CHGB: variants seen among roughly 807,000 people sequenced by gnomAD.
The protein encoded by CHGB is secretogranin-1.
In CHGB, 46 loss-of-function variants were observed where a neutral mutation model predicts 69.9. That is an observed-to-expected ratio of 0.66 (90% CI 0.52 to 0.84). CHGB has a LOEUF of 0.84. Ranked by LOEUF, CHGB falls within the 40% of genes least tolerant of loss-of-function variation. The pLI, the probability that CHGB is intolerant of heterozygous loss-of-function variation, is 0.00. For missense variants in CHGB, 796 were observed against 822.2 expected (o/e 0.97, Z 0.39); for synonymous variants, 312 against 298.2 (o/e 1.05, Z -0.48).
At position 5,922,357 on chromosome 20, in the gene CHGB, A is replaced by G; in HGVS notation, c.213A>G (p.Lys71=). The part of the protein sequence containing the change: ...LKTSRKDVKD[K]ETTENENTKF... ...TAGGTAGAAAAGACGTCAAAGACAA[A>G]GAGACAACTGAAAATGAAAACACAA... Residue 71 remains lysine, a synonymous_variant, in exon 4 of 5, where the codon AAA becomes AAG. Transcript: ENST00000378961. 6.4e-7 allele frequency: 1 copy of G among 1,558,126 alleles called. No homozygotes were observed. Among genetic ancestry groups the G allele is most frequent in the African/African-American group, 1.4e-5 (1 of 72,638 alleles).
chr20:5,917,096 T>A, intron 3 of CHGB, 177 bp downstream of exon 3: 2 of 638,020 alleles, frequency 3.1e-6, no homozygotes, highest in Admixed American at 4.9e-5. Context: ...AGTTCCTGCT[T>A]TACCACTTCG....
At position 5,923,358 on chromosome 20, in the gene CHGB, G is replaced by T. The variant is rs746929287; in HGVS notation, c.1214G>T (p.Ser405Ile). The T allele has an allele frequency of 6.2e-7, 1 of 1,613,774 alleles. No individual in the cohort carries two copies. Among genetic ancestry groups the T allele is most frequent in the Non-Finnish European group, 8.5e-7 (1 of 1,180,028 alleles). Reference sequence around the variant, plus strand: ...ATGGCACATGGATATGGTGAAGAAAGTGAGGAAGAGAGGGGCCTTGAGCCG... The same window carrying T: ...ATGGCACATGGATATGGTGAAGAAATTGAGGAAGAGAGGGGCCTTGAGCCG... Reference protein sequence around the residue: ...DKMAHGYGEESEEERGLEPGK... With the variant: ...DKMAHGYGEEIEEERGLEPGK... Residue 405 changes from serine (S) to isoleucine (I), a missense_variant, in exon 4 of 5, where the codon AGT becomes ATT. Ser to Ile is a moderately radical substitution (Grantham distance 142). Around this residue, in one of 3 missense-constraint regions of CHGB, gnomAD observed 518 missense variants for 506.3 expected, o/e 1.02. Coordinates refer to ENST00000378961, the MANE Select transcript of CHGB (RefSeq NM_001819.3).
chr20:5,923,135 C>T lies in CHGB; in HGVS notation c.991C>T (p.His331Tyr), dbSNP rs368161388. 4.6e-5 allele frequency: 75 copies of T among 1,614,138 alleles called. No homozygotes were observed. In the African/African-American group the frequency reaches 9.5e-4, roughly 20 times the overall value. ...LGEKRDHHST[H>Y]YRASEEEPEY... ...GGAAAAGAGGGACCACCATTCAACCCACTACAGGGCTTCAGAGGAAGAACC... is the reference window on the plus strand; with the variant it reads ...GGAAAAGAGGGACCACCATTCAACCTACTACAGGGCTTCAGAGGAAGAACC... Residue 331 changes from histidine (H) to tyrosine (Y), a missense_variant, in exon 4 of 5, where the codon CAC becomes TAC. Transcript: ENST00000378961.
Position 5,911,547 on chromosome 20 carries a change from G to T in CHGB, c.-87G>T, listed in dbSNP as rs2088446211. 5 of 1,398,618 alleles carry T rather than the reference G, an allele frequency of 3.6e-6. No individual in the cohort carries two copies. Among genetic ancestry groups the T allele is most frequent in the Non-Finnish European group, 4.8e-6 (5 of 1,036,132 alleles). The allele number at this position is 1,398,618 out of a possible 1,614,324, so 86.6% of individuals were successfully genotyped here. A position where few individuals can be genotyped will look rare whatever the true frequency, so the allele number is the denominator to read the frequency against. On this transcript the variant is annotated 5_prime_UTR_variant, in exon 1 of 5. Coordinates refer to ENST00000378961, the MANE Select transcript of CHGB (RefSeq NM_001819.3). The stretch of plus-strand genomic sequence containing the variant: ...CCAGGAGGCACGCTGGTTTTCCGGG[G>T]CCGCTCCATCGCGCCTTCCTCCTGC...
rs186133594 is a variant in CHGB at position 5,920,024 on chromosome 20, C to T, written c.191-2311C>T. Among the ~76,000 whole-genome samples the T allele has an allele frequency of 3.4e-3, 248 of 72,150 alleles. 1 individual carries two copies. The highest frequency in any genetic ancestry group is 0.011 in the African/African-American group (243 of 22,790). The allele number at this position is 72,150 out of a possible 152,430, so 47.3% of individuals were successfully genotyped here. A position where few individuals can be genotyped will look rare whatever the true frequency, so the allele number is the denominator to read the frequency against. On this transcript the variant is annotated intron_variant, in intron 3 of 4. Coordinates refer to ENST00000378961, the MANE Select transcript of CHGB (RefSeq NM_001819.3). The stretch of plus-strand genomic sequence containing the variant: ...GGTCATCCTTACAGCATGACAGATG[C>T]ATTTCCCTGTTTTCGCTTGAAAGTA...
intron 3 of CHGB, 188 bp downstream of exon 3, chr20:5,917,107 C>A (rs917697022): frequency 3.2e-6 from 2 of 617,972 alleles, no homozygotes; most frequent in Admixed American, 2.6e-5. Flanking sequence ...TACCACTTCG[C>A]AGCTGTGTGA....
intron 1 of CHGB, among the ~76,000 whole-genome samples, chr20:5,915,346 A>T (rs554364603): frequency 1.2e-3 from 180 of 152,338 alleles, no homozygotes; most frequent in African/African-American, 3.9e-3. Context: ...ATAAATTAAA[A>T]TTTTTCTTTT....
At chr20:5,913,628 C>CTTTTCTTTTCTTTTCTT (rs1289315671) in intron 1 of CHGB, among the ~76,000 whole-genome samples, 8 of 90,474 alleles carry the variant, frequency 8.8e-5, no homozygotes, top group African/African-American at 2.6e-4. Flanking sequence ...CTTTTCTTTT[C>CTTTTCTTTTCTTTTCTT]TTTTTTTTTT....
intron 4 of CHGB, among the ~76,000 whole-genome samples, chr20:5,924,519 T>C (rs775303632): frequency 3.9e-5 from 6 of 152,222 alleles, no homozygotes; most frequent in Admixed American, 6.5e-5. Context: ...ACTCTCTCCC[T>C]GAGGCAGGGA....
In CHGB at chr20:5,918,810, T is replaced by TAAAAAA. The variant is rs71182109; in HGVS notation, c.190+1921_190+1926dup. 2.2e-3 allele frequency among the ~76,000 whole-genome samples: 69 copies of TAAAAAA among 31,456 alleles called. 3 individuals carry two copies. Among genetic ancestry groups the TAAAAAA allele is most frequent in the East Asian group, 0.014 (9 of 666 alleles). 20.6% of individuals were successfully genotyped at this position (31,456 alleles called of 152,430 possible). A position where few individuals can be genotyped will look rare whatever the true frequency, so the allele number is the denominator to read the frequency against. ...CTCAGTGACAGAGCGAGTCTCTGTC[T>TAAAAAA]AAAAAAAAAAAAAAAAAAAAAAAAA... On this transcript the variant is annotated intron_variant, in intron 3 of 4. Coordinates refer to ENST00000378961, the MANE Select transcript of CHGB (RefSeq NM_001819.3).
In CHGB at chr20:5,922,810, C is replaced by A. The variant is rs749824076; in HGVS notation, c.666C>A (p.Ala222=). 1.7e-5 allele frequency: 28 copies of A among 1,613,882 alleles called. No homozygotes were observed. The South Asian group carries it at 3.1e-4, about 18-fold the overall frequency. The change falls in exon 4 of 5, where the codon GCC becomes GCA. Residue 222 remains alanine (A), a synonymous_variant. Coordinates refer to ENST00000378961, the MANE Select transcript of CHGB (RefSeq NM_001819.3). ...ELVARSETHA[A]GHSQEKTHSR... Reference sequence around the variant, plus strand: ...TGGCCAGATCGGAAACACATGCTGCCGGGCATTCTCAGGAGAAGACACATA... The same window carrying A: ...TGGCCAGATCGGAAACACATGCTGCAGGGCATTCTCAGGAGAAGACACATA...
chr20:5,920,914 G>T (rs1305854963), intron 3 of CHGB, among the ~76,000 whole-genome samples: 1 of 152,222 alleles, frequency 6.6e-6, no homozygotes, highest in Non-Finnish European at 1.5e-5. Flanking sequence ...GGTACAGAGA[G>T]TCCACTATTT....
intron 3 of CHGB, 108 bp downstream of exon 3, chr20:5,917,027 C>T: frequency 1.0e-6 from 1 of 990,012 alleles, no homozygotes; most frequent in East Asian, 2.5e-5. Flanking sequence ...GGGCATAATG[C>T]ACTAGGAAGA....
At chr20:5,912,020 G>A (rs970734922) in intron 1 of CHGB, among the ~76,000 whole-genome samples, 3 of 152,154 alleles carry the variant, frequency 2.0e-5, no homozygotes, top group Non-Finnish European at 4.4e-5. Context: ...CTCTCTGCCC[G>A]TCTAGAGAGA....
rs953651763 is a variant in CHGB at position 5,923,891 on chromosome 20, G to A, written c.1747G>A (p.Gly583Arg). 6.2e-7 allele frequency: 1 copy of A among 1,614,082 alleles called. No individual in the cohort carries two copies. The highest frequency in any genetic ancestry group is 8.5e-7 in the Non-Finnish European group (1 of 1,180,046). The change falls in exon 4 of 5, where the codon GGG (glycine) becomes AGG (arginine). Residue 583 changes from glycine to arginine, a missense_variant. Gly to Arg is a moderately radical substitution (Grantham distance 125). Around this residue, in one of 3 missense-constraint regions of CHGB, gnomAD observed 274 missense variants for 298.9 expected, o/e 0.92. Transcript: ENST00000378961. The part of the protein sequence containing the change: ...KKPFSEDVNW[G>R]YEKRNLARVP... ...GCCCTTCTCTGAGGATGTGAACTGG[G>A]GGTATGAGAAGAGAAACCTCGCCAG...
intron 3 of CHGB, among the ~76,000 whole-genome samples, chr20:5,921,029 A>G (rs6038321): frequency 3.3e-5 from 5 of 152,368 alleles, no homozygotes; most frequent in African/African-American, 1.2e-4. Context: ...AGCCACAAAT[A>G]TAATTTCAAA....
At chr20:5,918,188 C>T (rs1444237004) in intron 3 of CHGB, among the ~76,000 whole-genome samples, 3 of 149,328 alleles carry the variant, frequency 2.0e-5, no homozygotes, top group African/African-American at 2.5e-5. Flanking sequence ...TTGCCACCAG[C>T]CTGGCCAATA....
In CHGB at chr20:5,921,217, G is replaced by T. The variant is rs4813784; in HGVS notation, c.191-1118G>T. 3.6e-4 allele frequency among the ~76,000 whole-genome samples: 55 copies of T among 151,854 alleles called. 2 individuals are homozygous for T. Among genetic ancestry groups the T allele is most frequent in the Non-Finnish European group, 1.2e-4 (8 of 67,978 alleles). On this transcript the variant is annotated intron_variant, in intron 3 of 4. Transcript: ENST00000378961. ...TTCAACATATAATGATATAAAAATT[G>T]TTGAGATTATTTTACATTATTCTTT...
At chr20:5,924,829 C>T (rs2088540460) in intron 4 of CHGB, 143 bp from the exon 5 acceptor site, 6 of 550,614 alleles carry the variant, frequency 1.1e-5, no homozygotes, top group Non-Finnish European at 2.0e-5. Flanking sequence ...GGTCAGGGGA[C>T]CACACTTTGA....
Sources: gnomAD v4.1 joint callset for allele counts (sites outside exome capture counted in the v4.1 genomes callset) on GRCh38, gnomAD v4.1.1 for gene constraint, gnomAD v4.1.1 regional missense constraint, MANE v1.5 for transcripts, NCBI Gene and HGNC (gene_info 2026-07-23, HGNC 2026-07-21) for gene names.